The following NEB variants were observed in gnomAD, a reference collection of about 807,000 sequenced individuals.
The protein encoded by NEB is nebulin.
A neutral mutation model predicts 952.2 loss-of-function variants in NEB; 512 were observed. The observed-to-expected ratio is 0.54, with a 90% CI of 0.50 to 0.58. NEB has a LOEUF of 0.58. NEB is among the 20% of genes least tolerant of loss of function. NEB has a pLI of 0.00. For missense variants in NEB, 8,428 were observed against 9,231.1 expected (o/e 0.91, Z 3.56); for synonymous variants, 2,900 against 3,149.8 (o/e 0.92, Z 2.66).
At chr2:151,578,416 T>C (rs2096959653) in intron 105 of NEB, among the ~76,000 whole-genome samples, 1 of 151,410 alleles carries the variant, frequency 6.6e-6, no homozygotes, top group Non-Finnish European at 1.5e-5. Flanking sequence ...CCCCAGCACT[T>C]TGGGAGGCCA....
intron 165 of NEB, 144 bp from the exon 166 acceptor site, chr2:151,503,585 C>A: frequency 1.8e-6 from 1 of 554,384 alleles, no homozygotes; most frequent in South Asian, 2.8e-5. Context: ...GGGAAAATTC[C>A]ATGAATATTT....
At chr2:151,702,464 G>A (rs1320243948) in intron 13 of NEB, among the ~76,000 whole-genome samples, 1 of 152,026 alleles carries the variant, frequency 6.6e-6, no homozygotes, top group Admixed American at 6.6e-5. Flanking sequence ...TTGACAGTGG[G>A]GTGTTAAAGT....
At chr2:151,707,603 C>A (rs1297267400) in intron 12 of NEB, among the ~76,000 whole-genome samples, 2 of 152,150 alleles carry the variant, frequency 1.3e-5, no homozygotes, top group Non-Finnish European at 2.9e-5. Flanking sequence ...ATGGCAGAAG[C>A]AGCAAGTTGA....
rs561060029 is a variant in NEB at position 151,501,112 on chromosome 2, T to TTTTTC, written c.24021+274_24021+278dup. 5.4e-3 allele frequency among the ~76,000 whole-genome samples: 829 copies of TTTTTC among 152,140 alleles called. 3 individuals carry two copies. Among genetic ancestry groups the TTTTTC allele is most frequent in the Middle Eastern group, 0.01 (3 of 294 alleles). On this transcript the variant is annotated intron_variant, in intron 168 of 181. Transcript: ENST00000397345. ...AGTAAATAAGAGCTTTAGTGTTTGG[T>TTTTTC]TTTTCTTTTCTGGAAATCAATTAAC...
At chr2:151,549,289 G>A (rs1356992932) in intron 130 of NEB, among the ~76,000 whole-genome samples, 8 of 152,196 alleles carry the variant, frequency 5.3e-5, no homozygotes, top group African/African-American at 1.4e-4. Flanking sequence ...TCAGTAGTGC[G>A]TGTGTGAAGT....
intron 101 of NEB, among the ~76,000 whole-genome samples, 174 bp downstream of exon 101, chr2:151,583,280 TA>T (rs1410658619): frequency 4.1e-5 from 4 of 97,412 alleles, no homozygotes; most frequent in African/African-American, 1.2e-4. Context: ...CTTGCTACCA[TA>T]AGAAGGAGTC....
In NEB at chr2:151,734,099, G is replaced by A. The variant is rs140306917; in HGVS notation, c.-114+299C>T. On this transcript the variant is annotated intron_variant, in intron 1 of 181. Coordinates refer to ENST00000397345, the MANE Select transcript of NEB (RefSeq NM_001164508.2). ...GATAAATATAGGAACGTAGAGCAGC[G>A]TATCTTCTTTTTCACACTAATATAT... Among the ~76,000 whole-genome samples, 456 of 152,266 alleles carry A rather than the reference G, an allele frequency of 3.0e-3. 3 individuals carry two copies. The highest frequency in any genetic ancestry group is 0.01 in the African/African-American group (428 of 41,550).
At chr2:151,568,252 C>T in intron 112 of NEB, 64 bp downstream of exon 112, 1 of 1,591,156 alleles carries the variant, frequency 6.3e-7, no homozygotes, top group Non-Finnish European at 8.6e-7. Flanking sequence ...GCATAATTAT[C>T]CTACAGTTCC....
At chr2:151,576,491 TATA>T (rs2096836477) in intron 105 of NEB, 137 bp from the exon 106 acceptor site, 1 of 42,552 alleles carries the variant, frequency 2.4e-5, no homozygotes, top group Admixed American at 2.6e-4. Flanking sequence ...AATACATATA[TATA>T]TATATATATA....
chr2:151,678,224 G>T (rs758758613), intron 32 of NEB, 37 bp from the exon 33 acceptor site: 3 of 1,368,686 alleles, frequency 2.2e-6, no homozygotes, highest in Non-Finnish European at 3.0e-6. Context: ...TTAAAATGTA[G>T]TTTTGAGGGC....
Position 151,656,144 on chromosome 2 carries a change from A to G in NEB, c.6495+9T>C. On this transcript the variant is annotated intron_variant, in intron 49 of 181. Transcript: ENST00000397345. Reference sequence around the variant, plus strand: ...TTCCAACCATCACCCAAGTAGAAGAAAGCCTTACATCACTCTGTATGCGAT... The same window carrying G: ...TTCCAACCATCACCCAAGTAGAAGAGAGCCTTACATCACTCTGTATGCGAT... 1.3e-6 allele frequency: 2 copies of G among 1,576,794 alleles called. No homozygotes were observed. Among genetic ancestry groups the G allele is most frequent in the Non-Finnish European group, 1.7e-6 (2 of 1,159,594 alleles).
rs1203369297 is a variant in NEB, at chr2:151,506,270, G to GAATC, written c.23557-16_23557-13dup. 1 of 1,589,012 alleles carries GAATC rather than the reference G, an allele frequency of 6.3e-7. No homozygotes were observed. Among genetic ancestry groups the GAATC allele is most frequent in the Non-Finnish European group, 8.6e-7 (1 of 1,157,424 alleles). Reference sequence around the variant, plus strand: ...TCTTTATATAAAACCTGGGCATTCAGAATCAGGACAGTGTTAACACAGAAG... The same window carrying GAATC: ...TCTTTATATAAAACCTGGGCATTCAGAATCAATCAGGACAGTGTTAACACAGAAG... On this transcript the variant is annotated splice_polypyrimidine_tract_variant and intron_variant, in intron 163 of 181. Coordinates refer to ENST00000397345, the MANE Select transcript of NEB (RefSeq NM_001164508.2).
At chr2:151,649,371 T>C (rs1426198393) in intron 54 of NEB, among the ~76,000 whole-genome samples, 1 of 152,166 alleles carries the variant, frequency 6.6e-6, no homozygotes, top group Non-Finnish European at 1.5e-5. Context: ...ACTTCTGATA[T>C]ATGATATATG....
chr2:151,566,959 T>A (rs576037795), intron 114 of NEB, among the ~76,000 whole-genome samples: 1 of 152,168 alleles, frequency 6.6e-6, no homozygotes, highest in South Asian at 2.1e-4. Context: ...AAAATTTGAT[T>A]GAAAGTTACT....
At chr2:151,494,020 T>C in intron 174 of NEB, 141 bp downstream of exon 174, 1 of 888,896 alleles carries the variant, frequency 1.1e-6, no homozygotes, top group Non-Finnish European at 1.8e-6. Flanking sequence ...ATGGCTACAG[T>C]AAATGTAGTG....
chr2:151,510,133 T>TA (rs1484821909), intron 161 of NEB, among the ~76,000 whole-genome samples: 5 of 152,326 alleles, frequency 3.3e-5, no homozygotes, highest in Middle Eastern at 3.4e-3. Context: ...TTAATTTAAA[T>TA]GGGTTCAGGT....
At position 151,733,124 on chromosome 2, in the gene NEB, C is replaced by T. The variant is rs1269024269; in HGVS notation, c.33G>A (p.Val11=). The part of the protein sequence containing the change: MADDEDYEEV[V]EYYTEEVVYE... Reference sequence around the variant, plus strand: ...GTGTTTTTTTTTTAAATCTTACCTCCACCACCTCCTCATAGTCTTCGTCAT... The same window carrying T: ...GTGTTTTTTTTTTAAATCTTACCTCTACCACCTCCTCATAGTCTTCGTCAT... Residue 11 remains valine (V), a synonymous_variant, in exon 3 of 182, where the codon GTG becomes GTA. Transcript: ENST00000397345. The T allele has an allele frequency of 1.9e-6, 3 of 1,603,192 alleles. No homozygotes were observed. The highest frequency in any genetic ancestry group is 1.3e-5 in the African/African-American group (1 of 74,700).
intron 48 of NEB, among the ~76,000 whole-genome samples, chr2:151,656,909 C>T (rs1371124901): frequency 1.3e-5 from 2 of 151,776 alleles, no homozygotes; most frequent in African/African-American, 4.8e-5. Flanking sequence ...ATTATTCTGT[C>T]AGTCATTTAC....
intron 114 of NEB, 29 bp from the exon 115 acceptor site, chr2:151,565,849 G>A: frequency 6.7e-7 from 1 of 1,488,664 alleles, no homozygotes; most frequent in Non-Finnish European, 9.3e-7. Flanking sequence ...ATATAATGGA[G>A]GAATAAATGA....
Sources: allele counts gnomAD v4.1 joint callset (sites outside exome capture counted in the v4.1 genomes callset), GRCh38; gene constraint gnomAD v4.1.1; transcripts MANE v1.5; gene names NCBI Gene and HGNC (gene_info 2026-07-23, HGNC 2026-07-21).